The following SHROOM2 variants were observed in gnomAD, a reference collection of about 807,000 sequenced individuals.
SHROOM2 encodes the protein shroom family member 2.
A neutral mutation model predicts 75.9 loss-of-function variants in SHROOM2; 33 were observed. The ratio of observed to expected loss-of-function variants is 0.43; its 90% CI spans 0.33 to 0.58. The LOEUF (loss-of-function observed/expected upper bound fraction) is 0.58, where lower values mean the gene tolerates loss of function less well. Ranked by LOEUF, SHROOM2 falls within the 20% of genes least tolerant of loss-of-function variation. The pLI is 0.04. For missense variants in SHROOM2, 1,434 were observed against 1,461.2 expected (o/e 0.98, Z 0.30); for synonymous variants, 655 against 663.6 (o/e 0.99, Z 0.20).
chrX:9,858,199 G>A (rs2084083345), intron 1 of SHROOM2, among the ~76,000 whole-genome samples: 1 of 111,861 alleles, frequency 8.9e-6, no homozygotes, highest in African/African-American at 3.3e-5. Context: ...TCCAGAGAAA[G>A]GTGCAGCAGC....
intron 5 of SHROOM2, among the ~76,000 whole-genome samples, chrX:9,931,570 C>G (rs141572984): frequency 0.02 from 2,170 of 110,809 alleles, 51 homozygotes; most frequent in African/African-American, 0.068. Context: ...TTGCTTGAGT[C>G]CAGGAGTTCG....
chrX:9,844,337 C>T (rs1476665284), intron 1 of SHROOM2, among the ~76,000 whole-genome samples: 2 of 110,616 alleles, frequency 1.8e-5, no homozygotes, highest in East Asian at 2.8e-4. Flanking sequence ...CATAGTGAGA[C>T]GGCATCTCTC....
At chrX:9,823,062 CCTCCTCCTCCTCCCTT>C (rs1318656586) in intron 1 of SHROOM2, among the ~76,000 whole-genome samples, 1 of 63,131 alleles carries the variant, frequency 1.6e-5, no homozygotes, top group African/African-American at 5.4e-5. Context: ...TCCTCCTCCT[CCTCCTCCTCCTCCCTT>C]CTCCCTTCTC....
At chrX:9,893,816 C>G (rs2084307104) in intron 3 of SHROOM2, among the ~76,000 whole-genome samples, 1 of 109,632 alleles carries the variant, frequency 9.1e-6, no homozygotes, top group South Asian at 4.0e-4. Context: ...TAGCCGGGCA[C>G]AGTGGCAGGC....
chrX:9,857,243 C>T (rs909055174), intron 1 of SHROOM2, among the ~76,000 whole-genome samples: 2 of 111,890 alleles, frequency 1.8e-5, no homozygotes, highest in Non-Finnish European at 3.8e-5. Context: ...AAAAATAATG[C>T]GGAAGGAATT....
chrX:9,906,521 G>A (rs926389281), intron 5 of SHROOM2, among the ~76,000 whole-genome samples: 1 of 113,118 alleles, frequency 8.8e-6, no homozygotes, highest in African/African-American at 3.2e-5. Flanking sequence ...CAGGCAGGGC[G>A]TGGTGGCTCA....
intron 1 of SHROOM2, among the ~76,000 whole-genome samples, chrX:9,791,471 C>T (rs1601905030): frequency 2.7e-5 from 3 of 111,998 alleles, no homozygotes; most frequent in South Asian, 7.4e-4. Context: ...CCGGGTGCAG[C>T]GGAAACATTC....
intron 1 of SHROOM2, among the ~76,000 whole-genome samples, chrX:9,799,840 T>C (rs1469874278): frequency 9.0e-6 from 1 of 111,550 alleles, no homozygotes; most frequent in African/African-American, 3.3e-5. Context: ...TTTTTAATTT[T>C]CAATGACCAT....
Position 9,823,065 on chromosome X carries a change from CCTCCTCCT to C in SHROOM2, c.165+36357_165+36364del, listed in dbSNP as rs2083864947. Among the ~76,000 whole-genome samples the C allele has an allele frequency of 8.0e-5, 2 of 25,099 alleles. 1 individual carries two copies. The highest frequency in any genetic ancestry group is 4.4e-3 in the East Asian group (2 of 455). 21.8% of individuals were successfully genotyped at this position (25,099 alleles called of 115,157 possible). ...TCCTCCTCCTCCTCCTCCTCCTCCT[CCTCCTCCT>C]CCCTTCTCCCTTCTCCTCCTCCTTC... On this transcript the variant is annotated intron_variant, in intron 1 of 9. Transcript: ENST00000380913.
chrX:9,803,764 C>G (rs775177782), intron 1 of SHROOM2, among the ~76,000 whole-genome samples: 1 of 111,424 alleles, frequency 9.0e-6, no homozygotes, highest in Non-Finnish European at 1.9e-5. Context: ...AGACCACCTC[C>G]GGACACAGAA....
chrX:9,912,279 T>G (rs2084436549), intron 5 of SHROOM2, among the ~76,000 whole-genome samples: 1 of 106,158 alleles, frequency 9.4e-6, no homozygotes, highest in Non-Finnish European at 1.9e-5. Context: ...CCAAGCCTTT[T>G]GGGGTTTTAA....
chrX:9,793,750 CTT>C (rs368389307), intron 1 of SHROOM2, among the ~76,000 whole-genome samples: 3 of 101,133 alleles, frequency 3.0e-5, no homozygotes. Flanking sequence ...CTCTTCCTTT[CTT>C]TTTTTTTTTT....
chrX:9,837,987 T>C (rs138324618), intron 1 of SHROOM2, among the ~76,000 whole-genome samples: 1,945 of 110,177 alleles, frequency 0.018, 45 homozygotes, highest in African/African-American at 0.061. Context: ...GTCCTGGACA[T>C]TTCCTTGGGA....
chrX:9,826,234 A>C (rs1330234358), intron 1 of SHROOM2, among the ~76,000 whole-genome samples: 1 of 111,876 alleles, frequency 8.9e-6, no homozygotes, highest in Non-Finnish European at 1.9e-5. Flanking sequence ...TGCACATTGG[A>C]ATTTGCAAGC....
chrX:9,939,653 A>G (rs144385796), intron 8 of SHROOM2, among the ~76,000 whole-genome samples: 340 of 112,306 alleles, frequency 3.0e-3, no homozygotes, highest in African/African-American at 0.011. Context: ...TTATTTATTT[A>G]TTTTTGAGAC....
At chrX:9,887,928 C>T (rs2084269713) in intron 2 of SHROOM2, among the ~76,000 whole-genome samples, 1 of 113,289 alleles carries the variant, frequency 8.8e-6, no homozygotes, top group Non-Finnish European at 1.9e-5. Flanking sequence ...TAGCCACTAC[C>T]CACATGTGGC....
intron 1 of SHROOM2, among the ~76,000 whole-genome samples, chrX:9,820,541 T>A (rs1192168773): frequency 9.9e-5 from 11 of 111,506 alleles, no homozygotes; most frequent in Non-Finnish European, 2.1e-4. Flanking sequence ...TTAAAAAGGT[T>A]TTTTTTAGAG....
intron 5 of SHROOM2, among the ~76,000 whole-genome samples, chrX:9,929,095 A>T (rs1172921716): frequency 8.9e-6 from 1 of 112,704 alleles, no homozygotes; most frequent in Non-Finnish European, 1.9e-5. Flanking sequence ...ACTCACACAC[A>T]CAACCTGCAG....
In SHROOM2 at chrX:9,937,392, G is replaced by A; in HGVS notation, c.3846G>A (p.Gln1282=). 1 of 1,206,875 alleles carries A rather than the reference G, an allele frequency of 8.3e-7. No individual in the cohort carries two copies. The highest frequency in any genetic ancestry group is 1.1e-6 in the Non-Finnish European group (1 of 893,365). The change falls in exon 7 of 10, where the codon CAG becomes CAA. Residue 1282 remains glutamine, a synonymous_variant. Transcript: ENST00000380913. ...ATAGGGCCCAGCCGGCTGAGCCCCA[G>A]CCCCTGGGCACCCAGGTGCCCCCCG... ...APHRAQPAEP[Q]PLGTQVPPEK... is the part of the protein sequence containing the mutation.
Sources: gnomAD v4.1 joint callset for allele counts (sites outside exome capture counted in the v4.1 genomes callset) on GRCh38, gnomAD v4.1.1 for gene constraint, MANE v1.5 for transcripts, NCBI Gene and HGNC (gene_info 2026-07-23, HGNC 2026-07-21) for gene names.